CFAP91: variants seen among roughly 807,000 people sequenced by gnomAD.
CFAP91 encodes cilia and flagella associated protein 91.
In CFAP91, 85 loss-of-function variants were observed where a neutral mutation model predicts 95.9. The observed-to-expected ratio is 0.89, with a 90% CI of 0.74 to 1.06. CFAP91 has a LOEUF of 1.06. CFAP91 is among the 50% of genes least tolerant of loss of function. The pLI, the probability that CFAP91 is intolerant of heterozygous loss-of-function variation, is 0.00. For synonymous variants in CFAP91, 335 were observed against 327.5 expected, an observed-to-expected ratio of 1.02 and a Z score of -0.25; for missense variants, 962 against 943.4, an observed-to-expected ratio of 1.02 and a Z score of -0.26.
At chr3:119,756,126 C>A (rs1043030870) in intron 17 of CFAP91, among the ~76,000 whole-genome samples, 1 of 151,908 alleles carries the variant, frequency 6.6e-6, no homozygotes, top group Admixed American at 6.6e-5. Flanking sequence ...GAAAACGATA[C>A]CTAGATACAC....
intron 16 of CFAP91, chr3:119,749,079 A>T (rs1024436646): frequency 6.6e-6 from 1 of 152,160 alleles, no homozygotes; most frequent in South Asian, 2.1e-4. Context: ...TTATAAAAGG[A>T]CCTTATGTTT....
chr3:119,730,527 AGAAGAATGGAG>A, intron 8 of CFAP91, 150 bp downstream of exon 8: 1 of 764,276 alleles, frequency 1.3e-6, no homozygotes. Context: ...TCTTAAAGGT[AGAAGAATGGAG>A]GAAATTCCCT....
chr3:119,751,800 T>A (rs1219329162), intron 17 of CFAP91, among the ~76,000 whole-genome samples: 1 of 152,120 alleles, frequency 6.6e-6, no homozygotes, highest in Non-Finnish European at 1.5e-5. Context: ...GCGTAAAACT[T>A]CACACCCCAG....
intron 4 of CFAP91, 113 bp from the exon 5 acceptor site, chr3:119,709,726 A>ATG (rs904753194): frequency 1.0e-4 from 82 of 787,638 alleles, no homozygotes; most frequent in Non-Finnish European, 1.6e-4. Context: ...ACACTGATAT[A>ATG]TGGGATATTT....
intron 5 of CFAP91, 176 bp downstream of exon 5, chr3:119,710,071 T>C (rs2053446013): frequency 1.7e-6 from 1 of 588,604 alleles, no homozygotes; most frequent in African/African-American, 1.9e-5. Context: ...TGAAACAGAA[T>C]AGAAAATAAC....
chr3:119,724,466 A>C (rs897756300), intron 6 of CFAP91, among the ~76,000 whole-genome samples: 5 of 152,126 alleles, frequency 3.3e-5, no homozygotes, highest in African/African-American at 1.2e-4. Context: ...TATGATTTTC[A>C]TAGTTATTTT....
intron 17 of CFAP91, among the ~76,000 whole-genome samples, chr3:119,758,619 T>C (rs1469552717): frequency 1.3e-5 from 2 of 152,020 alleles, no homozygotes; most frequent in Non-Finnish European, 2.9e-5. Context: ...AAAAAGAAAA[T>C]ATCAAGAGAA....
rs1189931643 is a variant in CFAP91 at position 119,765,317 on chromosome 3, A to C, written c.*267A>C. 1 of 152,186 alleles carries C rather than the reference A, an allele frequency of 6.6e-6. No homozygotes were observed. Among genetic ancestry groups the C allele is most frequent in the Admixed American group, 6.5e-5 (1 of 15,278 alleles). 9.4% of individuals were successfully genotyped at this position (152,186 alleles called of 1,614,324 possible). A position where few individuals can be genotyped will look rare whatever the true frequency, so the allele number is the denominator to read the frequency against. On this transcript the variant is annotated 3_prime_UTR_variant, in exon 18 of 18. Coordinates refer to ENST00000273390, the MANE Select transcript of CFAP91 (RefSeq NM_033364.4). ...GTCTCATTTCAATATTTTGTTAACT[A>C]TGAGGATGTGCTGGTTTGTTGAATC...
intron 7 of CFAP91, 105 bp from the exon 8 acceptor site, chr3:119,730,115 G>A (rs2053866147): frequency 8.1e-7 from 1 of 1,228,076 alleles, no homozygotes; most frequent in African/African-American, 1.5e-5. Context: ...GGCAATACAT[G>A]AATATGATAG....
chr3:119,764,551 G>A (rs927901311), intron 17 of CFAP91, among the ~76,000 whole-genome samples: 1 of 151,760 alleles, frequency 6.6e-6, no homozygotes, highest in Non-Finnish European at 1.5e-5. Context: ...GTAATATTTG[G>A]GCAAGTAATG....
intron 6 of CFAP91, among the ~76,000 whole-genome samples, chr3:119,717,386 C>G (rs112791423): frequency 1.4e-4 from 22 of 152,326 alleles, no homozygotes; most frequent in Non-Finnish European, 2.4e-4. Flanking sequence ...ATCTGGTACA[C>G]TGTCATAGCA....
intron 10 of CFAP91, among the ~76,000 whole-genome samples, chr3:119,735,835 T>C (rs976618955): frequency 2.6e-5 from 4 of 152,218 alleles, no homozygotes; most frequent in African/African-American, 4.8e-5. Context: ...CTTTTATTGC[T>C]TTAGTTAACA....
intron 7 of CFAP91, among the ~76,000 whole-genome samples, chr3:119,727,650 G>A (rs188853870): frequency 6.6e-6 from 1 of 152,234 alleles, no homozygotes; most frequent in African/African-American, 2.4e-5. Context: ...GACAAGGAAG[G>A]GACAAAAGAT....
Position 119,746,893 on chromosome 3 carries a change from T to A in CFAP91, c.1903-222T>A, listed in dbSNP as rs573913833. Reference sequence around the variant, plus strand: ...CTGCCTGCCCAATAAGATCCATAATTCTGAAATGGGCTAAATGGGTGTGGG... The same window carrying A: ...CTGCCTGCCCAATAAGATCCATAATACTGAAATGGGCTAAATGGGTGTGGG... On this transcript the variant is annotated intron_variant, in intron 14 of 17. Transcript: ENST00000273390. Among the ~76,000 whole-genome samples the A allele has an allele frequency of 2.0e-5, 3 of 152,248 alleles. No individual in the cohort carries two copies. The South Asian group carries it at 6.2e-4, about 32-fold the overall frequency.
chr3:119,710,245 G>A (rs577678535), intron 5 of CFAP91: 1 of 175,346 alleles, frequency 5.7e-6, no homozygotes, highest in Non-Finnish European at 1.2e-5. Flanking sequence ...CAGATTGGGT[G>A]ATATAAATAA....
chr3:119,746,895 T>C (rs796973041), intron 14 of CFAP91, among the ~76,000 whole-genome samples: 10 of 152,288 alleles, frequency 6.6e-5, no homozygotes, highest in African/African-American at 2.4e-4. Flanking sequence ...TCCATAATTC[T>C]GAAATGGGCT....
chr3:119,743,835 G>C, intron 13 of CFAP91, 140 bp from the exon 14 acceptor site: 1 of 731,872 alleles, frequency 1.4e-6, no homozygotes, highest in Admixed American at 3.1e-5. Context: ...AGCCAATTGA[G>C]AGGTAATATT....
chr3:119,730,248 A>G lies in CFAP91; in HGVS notation c.889A>G (p.Lys297Glu), dbSNP rs764857021. The G allele has an allele frequency of 4.3e-6, 7 of 1,614,036 alleles. 1 individual carries two copies. The highest frequency in any genetic ancestry group is 1.6e-4 in the Middle Eastern group (1 of 6,062). ...KLQEIRLEVL[K>E]ELLRKREENQ... ...GCAGGAGATTCGCCTGGAAGTTCTA[A>G]AAGAGCTGTTGAGGAAGCGTGAAGA... is the stretch of plus-strand genomic sequence containing the variant. The change falls in exon 8 of 18, where the codon AAA becomes GAA. Residue 297 changes from lysine to glutamate, a missense_variant. Coordinates refer to ENST00000273390, the MANE Select transcript of CFAP91 (RefSeq NM_033364.4).
At chr3:119,747,371 A>C in intron 15 of CFAP91, 108 bp downstream of exon 15, 3 of 1,259,826 alleles carry the variant, frequency 2.4e-6, no homozygotes, top group Non-Finnish European at 3.3e-6. Flanking sequence ...CAAATAACTC[A>C]TACTTCAGCG....
Sources: gnomAD v4.1 joint callset for allele counts (sites outside exome capture counted in the v4.1 genomes callset) on GRCh38, gnomAD v4.1.1 for gene constraint, MANE v1.5 for transcripts, NCBI Gene and HGNC (gene_info 2026-07-23, HGNC 2026-07-21) for gene names.